The following EBP variants were observed in gnomAD, a reference collection of about 807,000 sequenced individuals.
EBP encodes 3-beta-hydroxysteroid-Delta(8),Delta(7)-isomerase.
A neutral mutation model predicts 14.1 loss-of-function variants in EBP; 1 was observed. The ratio of observed to expected loss-of-function variants is 0.07; its 90% CI spans 0.03 to 0.34. The LOEUF (loss-of-function observed/expected upper bound fraction) is 0.34. Among genes scored for constraint, EBP ranks in the 10% least tolerant of loss-of-function variants. The pLI, the probability that EBP is intolerant of heterozygous loss-of-function variation, is 0.99. For synonymous variants in EBP, 72 were observed against 77.7 expected, an observed-to-expected ratio of 0.93 and a Z score of 0.38; for missense variants, 123 against 184.6, an observed-to-expected ratio of 0.67 and a Z score of 1.93.
At chrX:48,527,791 A>C (rs2061783776) in intron 4 of EBP, 3 of 176,192 alleles carry the variant, frequency 1.7e-5, no homozygotes, top group Non-Finnish European at 3.2e-5. Context: ...TTTTTAGTAG[A>C]GATGGGGTTT....
chrX:48,524,214 C>T (rs1442210151), intron 2 of EBP, 142 bp downstream of exon 2: 34 of 621,248 alleles, frequency 5.5e-5, no homozygotes, highest in Admixed American at 2.0e-4. Context: ...TATTATAGGC[C>T]GGGCACAGTG....
Position 48,523,852 on chromosome X carries a change from C to T in EBP, c.81C>T (p.Pro27=), listed in dbSNP as rs781959785. Residue 27 remains proline, a synonymous_variant, in exon 2 of 5, where the codon CCC becomes CCT. Coordinates refer to ENST00000495186, the MANE Select transcript of EBP (RefSeq NM_006579.3). ...RLDNFVPNDR[P]TWHILAGLFS... ...ACAACTTTGTACCTAATGACCGCCCCACCTGGCATATACTGGCTGGCCTCT... is the reference window on the plus strand; with the variant it reads ...ACAACTTTGTACCTAATGACCGCCCTACCTGGCATATACTGGCTGGCCTCT... 1 of 1,211,351 alleles carries T rather than the reference C, an allele frequency of 8.3e-7. No individual in the cohort carries two copies. The highest frequency in any genetic ancestry group is 1.7e-5 in the African/African-American group (1 of 57,667).
At position 48,528,624 on chromosome X, in the gene EBP, C is replaced by A; in HGVS notation, c.*167C>A. On this transcript the variant is annotated 3_prime_UTR_variant, in exon 5 of 5. Coordinates refer to ENST00000495186, the MANE Select transcript of EBP (RefSeq NM_006579.3). ...ATAAAGGGGCTGTGTGAAGGCACTG[C>A]TGGGAGCCATTAGAACACAGATACA... 1 of 495,056 alleles carries A rather than the reference C, an allele frequency of 2.0e-6. No homozygotes were observed. The highest frequency in any genetic ancestry group is 3.5e-6 in the Non-Finnish European group (1 of 285,538). The allele number at this position is 495,056 out of a possible 1,213,427, so 40.8% of individuals were successfully genotyped here.
chrX:48,528,299 C>G lies in EBP; in HGVS notation c.535C>G (p.Leu179Val). 1 of 1,211,459 alleles carries G rather than the reference C, an allele frequency of 8.3e-7. No homozygotes were observed. Residue 179 changes from leucine (L) to valine (V), a missense_variant, in exon 5 of 5, where the codon CTG (leucine) becomes GTG (valine). Leu to Val is a conservative substitution (Grantham distance 32). Transcript: ENST00000495186. ...EHRDGFQHGELGHPLYFWFYF... is the reference protein window; with the variant it reads ...EHRDGFQHGEVGHPLYFWFYF... ...CCGCGACGGATTCCAGCACGGAGAG[C>G]TGGGCCACCCTCTCTACTTCTGGTT...
At chrX:48,522,402 T>C in intron 1 of EBP, 1 of 111,834 alleles carries the variant, frequency 8.9e-6, no homozygotes, top group East Asian at 2.8e-4. Flanking sequence ...TACCAAACCG[T>C]GACCCCGGAG....
intron 2 of EBP, among the ~76,000 whole-genome samples, chrX:48,526,243 C>T (rs150413447): frequency 3.4e-3 from 374 of 110,361 alleles, no homozygotes; most frequent in Non-Finnish European, 5.5e-3. Context: ...GAAGTTTGAA[C>T]ATCTTTCATA....
At chrX:48,527,440 A>C in intron 4 of EBP, 155 bp downstream of exon 4, 1 of 897,995 alleles carries the variant, frequency 1.1e-6, no homozygotes, top group Non-Finnish European at 1.6e-6. Context: ...TGGAAAGGTC[A>C]TGCCCTTCTC....
chrX:48,528,428 G>A lies in EBP; in HGVS notation c.664G>A (p.Ala222Thr). The part of the protein sequence containing the change: ...THAQSTLDAK[A>T]TKAKSKKN ...TGCCCAGAGCACGCTGGATGCCAAG[G>A]CCACAAAAGCCAAGAGCAAGAAGAA... The change falls in exon 5 of 5, where the codon GCC (alanine) becomes ACC (threonine). Residue 222 changes from alanine to threonine, a missense_variant. Ala to Thr is a moderately conservative substitution (Grantham distance 58). Transcript: ENST00000495186. The A allele has an allele frequency of 8.5e-7, 1 of 1,169,959 alleles. No homozygotes were observed. Among genetic ancestry groups the A allele is most frequent in the Non-Finnish European group, 1.1e-6 (1 of 874,268 alleles).
Position 48,528,472 on chromosome X carries a change from G to C in EBP, c.*15G>C. The C allele has an allele frequency of 8.7e-7, 1 of 1,151,268 alleles. No individual in the cohort carries two copies. Among genetic ancestry groups the C allele is most frequent in the South Asian group, 1.9e-5 (1 of 52,392 alleles). 94.9% of individuals were successfully genotyped at this position (1,151,268 alleles called of 1,213,427 possible). ...AGAAGAACTGAGGAGTGGTGGACCA[G>C]GCTCGAACACTGGCCGAGGAGGAGC... On this transcript the variant is annotated 3_prime_UTR_variant, in exon 5 of 5. Coordinates refer to ENST00000495186, the MANE Select transcript of EBP (RefSeq NM_006579.3).
rs1289481329 is a variant in EBP, at chrX:48,523,709, T to C, written c.-63T>C. 3.2e-6 allele frequency: 3 copies of C among 927,485 alleles called. No individual in the cohort carries two copies. The African/African-American group carries it at 6.5e-5, about 20-fold the overall frequency. The allele number at this position is 927,485 out of a possible 1,213,427, so 76.4% of individuals were successfully genotyped here. On this transcript the variant is annotated 5_prime_UTR_variant, in exon 2 of 5. Transcript: ENST00000495186. Reference sequence around the variant, plus strand: ...TTTCTATTTGTCCAGGTTTTTCTGTTCCTTTTTTTTTTTTTTTTTTAACTT... The same window carrying C: ...TTTCTATTTGTCCAGGTTTTTCTGTCCCTTTTTTTTTTTTTTTTTTAACTT...
intron 2 of EBP, 150 bp downstream of exon 2, chrX:48,524,222 G>T (rs1556977150): frequency 1.7e-6 from 1 of 593,746 alleles, no homozygotes; most frequent in African/African-American, 2.3e-5. Flanking sequence ...GCCGGGCACA[G>T]TGGCTCACGC....
chrX:48,525,151 G>A (rs1386260491), intron 2 of EBP, among the ~76,000 whole-genome samples: 3 of 112,171 alleles, frequency 2.7e-5, no homozygotes, highest in South Asian at 3.7e-4. Context: ...ATTTACACAC[G>A]TAAGTCTCAA....
At chrX:48,522,879 G>A (rs1262045068) in intron 1 of EBP, among the ~76,000 whole-genome samples, 2 of 110,774 alleles carry the variant, frequency 1.8e-5, no homozygotes, top group East Asian at 5.7e-4. Context: ...TGCCATGTTG[G>A]CCGGGCTGGT....
At chrX:48,525,202 T>C (rs908312780) in intron 2 of EBP, among the ~76,000 whole-genome samples, 16 of 112,479 alleles carry the variant, frequency 1.4e-4, no homozygotes, top group African/African-American at 5.2e-4. Flanking sequence ...AATAACCAAC[T>C]ATATGTAAGA....
chrX:48,526,480 G>GCCA (rs1419207370), intron 2 of EBP, among the ~76,000 whole-genome samples: 4 of 109,552 alleles, frequency 3.7e-5, no homozygotes, highest in Non-Finnish European at 5.7e-5. Context: ...GTAGGCACGT[G>GCCA]CCACCACGTC....
chrX:48,526,279 C>T (rs1556977439), intron 2 of EBP, among the ~76,000 whole-genome samples: 3 of 107,808 alleles, frequency 2.8e-5, no homozygotes. Context: ...TAGAAATCCT[C>T]TTTGTGAAGA....
chrX:48,526,228 T>C (rs2061778765), intron 2 of EBP, among the ~76,000 whole-genome samples: 1 of 111,102 alleles, frequency 9.0e-6, no homozygotes, highest in African/African-American at 3.3e-5. Flanking sequence ...CCTTAGTGAC[T>C]AATGGAAGTT....
At chrX:48,527,067 C>CG in intron 3 of EBP, 42 bp downstream of exon 3, 3 of 1,211,084 alleles carry the variant, frequency 2.5e-6, no homozygotes, top group Non-Finnish European at 3.4e-6. Context: ...CATTGGTTTT[C>CG]GGGGGGTGGT....
rs2061770416 is a variant in EBP at position 48,523,682 on chromosome X, A to G, written c.-73-17A>G. The G allele has an allele frequency of 1.1e-6, 1 of 916,891 alleles. No individual in the cohort carries two copies. The highest frequency in any genetic ancestry group is 1.5e-6 in the Non-Finnish European group (1 of 662,512). The allele number at this position is 916,891 out of a possible 1,213,427, so 75.6% of individuals were successfully genotyped here. A position where few individuals can be genotyped will look rare whatever the true frequency, so the allele number is the denominator to read the frequency against. ...ATTTGATTTTATTATCTCATTCTGT[A>G]CTTTCTATTTGTCCAGGTTTTTCTG... On this transcript the variant is annotated splice_polypyrimidine_tract_variant and intron_variant, in intron 1 of 4. Coordinates refer to ENST00000495186, the MANE Select transcript of EBP (RefSeq NM_006579.3).
Sources: allele counts gnomAD v4.1 joint callset (sites outside exome capture counted in the v4.1 genomes callset), GRCh38; gene constraint gnomAD v4.1.1; transcripts MANE v1.5; gene names NCBI Gene and HGNC (gene_info 2026-07-23, HGNC 2026-07-21).